SYNE3: variants seen among roughly 807,000 people sequenced by gnomAD.
The protein encoded by SYNE3 is spectrin repeat containing nuclear envelope family member 3.
In SYNE3, 100 loss-of-function variants were observed where a neutral mutation model predicts 111.2. The ratio of observed to expected loss-of-function variants is 0.90; its 90% CI spans 0.77 to 1.06. SYNE3 has a LOEUF of 1.06. Among genes scored for constraint, SYNE3 ranks in the 50% least tolerant of loss-of-function variants. The pLI is 0.00. For missense variants in SYNE3, 1,160 were observed against 1,240.3 expected (o/e 0.94, Z 0.97); for synonymous variants, 547 against 533.9 (o/e 1.02, Z -0.34).
chr14:95,469,531 CAAAAA>C (rs71132350), intron 2 of SYNE3, among the ~76,000 whole-genome samples: 7 of 99,432 alleles, frequency 7.0e-5, no homozygotes, highest in Admixed American at 7.0e-4. Flanking sequence ...CATGTCTCTA[CAAAAA>C]AAAAAAAAAA....
In SYNE3 at chr14:95,409,335, T is replaced by G. The variant is rs1413459103; in HGVS notation, c.*8491A>C. ...ATATTGCAGGCGCTCGGGGTATGTTTTCTTCCCTCCCTTTCTCATCAGAAC... is the reference window on the plus strand; with the variant it reads ...ATATTGCAGGCGCTCGGGGTATGTTGTCTTCCCTCCCTTTCTCATCAGAAC... On this transcript the variant is annotated 3_prime_UTR_variant, in exon 18 of 18. Transcript: ENST00000682763. 4 of 456,748 alleles carry G rather than the reference T, an allele frequency of 8.8e-6. No homozygotes were observed. Among genetic ancestry groups the G allele is most frequent in the Non-Finnish European group, 1.8e-5 (4 of 226,974 alleles). 28.3% of individuals were successfully genotyped at this position (456,748 alleles called of 1,614,324 possible). A position where few individuals can be genotyped will look rare whatever the true frequency, so the allele number is the denominator to read the frequency against.
At position 95,417,112 on chromosome 14, in the gene SYNE3, A is replaced by G. The variant is rs1372357710; in HGVS notation, c.*714T>C. The G allele has an allele frequency of 6.5e-6, 1 of 154,696 alleles. No individual in the cohort carries two copies. Among genetic ancestry groups the G allele is most frequent in the Non-Finnish European group, 1.4e-5 (1 of 69,692 alleles). 9.6% of individuals were successfully genotyped at this position (154,696 alleles called of 1,614,324 possible). A position where few individuals can be genotyped will look rare whatever the true frequency, so the allele number is the denominator to read the frequency against. ...GCTGGGGTTAGGGCTCCGGCATGCA[A>G]TGCCTCCACACAGCTGTGCTTTCTT... On this transcript the variant is annotated 3_prime_UTR_variant, in exon 18 of 18. Coordinates refer to ENST00000682763, the MANE Select transcript of SYNE3 (RefSeq NM_152592.6).
intron 4 of SYNE3, among the ~76,000 whole-genome samples, chr14:95,465,453 G>A (rs764062579): frequency 4.6e-5 from 7 of 152,144 alleles, no homozygotes; most frequent in Non-Finnish European, 8.8e-5. Context: ...GATAGGTGGT[G>A]AAGGGGTAGG....
chr14:95,473,151 C>T (rs564178322), intron 2 of SYNE3, among the ~76,000 whole-genome samples: 46 of 152,192 alleles, frequency 3.0e-4, no homozygotes, highest in Admixed American at 1.1e-3. Context: ...TGAAGCATGC[C>T]GGAGCCCCGT....
chr14:95,459,158 T>C (rs1566667977), intron 4 of SYNE3, among the ~76,000 whole-genome samples: 5 of 152,358 alleles, frequency 3.3e-5, no homozygotes, highest in Admixed American at 3.3e-4. Flanking sequence ...CCACAGATAA[T>C]GTGAAAAGAA....
At chr14:95,440,691 C>A (rs867751721) in intron 11 of SYNE3, among the ~76,000 whole-genome samples, 1 of 152,204 alleles carries the variant, frequency 6.6e-6, no homozygotes, top group Non-Finnish European at 1.5e-5. Context: ...AACATTCTGT[C>A]CAATTCAATT....
rs150788085 is a variant in SYNE3, at chr14:95,500,691, G to A, written c.-15+15905C>T. 8.5e-5 allele frequency among the ~76,000 whole-genome samples: 13 copies of A among 152,280 alleles called. No individual in the cohort carries two copies. Among genetic ancestry groups the A allele is most frequent in the South Asian group, 6.2e-4 (3 of 4,824 alleles). ...CCGCTGATCCTCTCCCTGACCACCC[G>A]TGGGACAGTGGCCAGCCATTTTAAC... On this transcript the variant is annotated intron_variant, in intron 1 of 17. Coordinates refer to ENST00000682763, the MANE Select transcript of SYNE3 (RefSeq NM_152592.6). The surrounding 1 kb of genome is among the most constrained non-coding windows in gnomAD (Gnocchi z 4.7).
chr14:95,449,987 C>T lies in SYNE3; in HGVS notation c.1393G>A (p.Val465Ile), dbSNP rs577341134. 1.3e-6 allele frequency: 2 copies of T among 1,554,658 alleles called. No homozygotes were observed. Among genetic ancestry groups the T allele is most frequent in the African/African-American group, 2.7e-5 (2 of 73,390 alleles). ...WKALAQRLLE[V>I]TASLPDLPSL... ...GGCAGGTCCGGCAGGCTGGCAGTGA[C>T]CTCCAAGAGCCGCTGGGCCAGGGCC... Residue 465 changes from valine (V) to isoleucine (I), a missense_variant, in exon 8 of 18, where the codon GTC becomes ATC. Val to Ile is a conservative substitution (Grantham distance 29, BLOSUM62 3). Transcript: ENST00000682763.
chr14:95,486,992 C>A (rs540410208), intron 1 of SYNE3, among the ~76,000 whole-genome samples: 5 of 152,310 alleles, frequency 3.3e-5, no homozygotes, highest in Admixed American at 3.3e-4. Flanking sequence ...CCAGCTGCAC[C>A]ACACTGCCTG....
intron 17 of SYNE3, among the ~76,000 whole-genome samples, chr14:95,430,693 G>A (rs1046011815): frequency 2.0e-5 from 3 of 152,052 alleles, no homozygotes; most frequent in Non-Finnish European, 4.4e-5. Context: ...GTGTGGTAGC[G>A]CATGCCTGTA....
chr14:95,457,163 C>T lies in SYNE3; in HGVS notation c.789+14G>A, dbSNP rs1177973359. 1 of 1,611,598 alleles carries T rather than the reference C, an allele frequency of 6.2e-7. No homozygotes were observed. The highest frequency in any genetic ancestry group is 2.2e-5 in the East Asian group (1 of 44,810). On this transcript the variant is annotated intron_variant, in intron 5 of 17. Coordinates refer to ENST00000682763, the MANE Select transcript of SYNE3 (RefSeq NM_152592.6). ...CCCTAGGGTCCCTCTGGTTGAGACA[C>T]AGCTGGGGATTACCTGCAGTGTGGA...
chr14:95,494,345 G>A (rs1178277664), intron 1 of SYNE3, among the ~76,000 whole-genome samples: 2 of 152,150 alleles, frequency 1.3e-5, no homozygotes, highest in Admixed American at 1.3e-4. Context: ...TAGAGGAAGG[G>A]ATACCCTGGC....
At chr14:95,456,494 G>A (rs140975815) in intron 5 of SYNE3, among the ~76,000 whole-genome samples, 69 of 152,260 alleles carry the variant, frequency 4.5e-4, no homozygotes, top group African/African-American at 1.6e-3. Flanking sequence ...AGCATCCTTG[G>A]CCGCCACCCA....
At chr14:95,434,824 A>G (rs1400088539) in intron 15 of SYNE3, among the ~76,000 whole-genome samples, 4 of 152,112 alleles carry the variant, frequency 2.6e-5, no homozygotes, top group Non-Finnish European at 5.9e-5. Flanking sequence ...TGCCCAGCTA[A>G]TTTTGTATTT....
At chr14:95,469,001 G>A (rs1888360249) in intron 2 of SYNE3, among the ~76,000 whole-genome samples, 2 of 152,190 alleles carry the variant, frequency 1.3e-5, no homozygotes, top group African/African-American at 4.8e-5. Flanking sequence ...AAGAATGAGG[G>A]AAGATAAGCA....
intron 17 of SYNE3, among the ~76,000 whole-genome samples, chr14:95,426,058 G>A (rs142901770): frequency 6.6e-6 from 1 of 152,298 alleles, no homozygotes; most frequent in African/African-American, 2.4e-5. Context: ...GAGGAGTTGT[G>A]GGGTGGAAGG....
At chr14:95,464,742 A>T (rs1888059282) in intron 4 of SYNE3, among the ~76,000 whole-genome samples, 1 of 152,250 alleles carries the variant, frequency 6.6e-6, no homozygotes, top group Non-Finnish European at 1.5e-5. Flanking sequence ...AGGCTTCTGC[A>T]GATGCATCCT....
chr14:95,444,535 C>T lies in SYNE3; in HGVS notation c.1726G>A (p.Gly576Arg). 5 of 1,613,700 alleles carry T rather than the reference C, an allele frequency of 3.1e-6. No homozygotes were observed. The highest frequency in any genetic ancestry group is 4.2e-6 in the Non-Finnish European group (5 of 1,179,698). Residue 576 changes from glycine (G) to arginine (R), a missense_variant, in exon 10 of 18, where the codon GGG becomes AGG. Physicochemically the swap from Gly to Arg is moderately radical, Grantham distance 125. Coordinates refer to ENST00000682763, the MANE Select transcript of SYNE3 (RefSeq NM_152592.6). ...DLQVRVQAEK[G>R]LQRDLPGKQA... ...TTTCCAGGAAGGTCCCGCTGAAGCC[C>T]CTTCTCGGCTTGGACCCTGACCTGG...
chr14:95,484,498 G>A (rs1254508514), intron 1 of SYNE3, among the ~76,000 whole-genome samples: 1 of 152,196 alleles, frequency 6.6e-6, no homozygotes, highest in Non-Finnish European at 1.5e-5. Flanking sequence ...GGCAGGCAGG[G>A]CACTGGCCAT....
Sources: gnomAD v4.1 joint callset for allele counts (sites outside exome capture counted in the v4.1 genomes callset) on GRCh38, gnomAD v4.1.1 for gene constraint, Gnocchi (gnomAD v3.1) non-coding constraint, MANE v1.5 for transcripts, NCBI Gene and HGNC (gene_info 2026-07-23, HGNC 2026-07-21) for gene names.